The following TNNI3K variants were observed in gnomAD, a reference collection of about 807,000 sequenced individuals.
TNNI3K encodes TNNI3 interacting kinase.
TNNI3K carries 140 observed loss-of-function variants against 114.5 expected under a neutral mutation model. The ratio of observed to expected loss-of-function variants is 1.22; its 90% CI spans 1.07 to 1.41. The LOEUF is 1.41. Among genes scored for constraint, TNNI3K ranks in the 40% most tolerant of loss-of-function variants. The pLI, the probability that TNNI3K is intolerant of heterozygous loss-of-function variation, is 0.00. For synonymous variants in TNNI3K, 347 were observed against 347.5 expected, an observed-to-expected ratio of 1.00 and a Z score of 0.02; for missense variants, 1,125 against 1,007.6, an observed-to-expected ratio of 1.12 and a Z score of -1.58.
intron 11 of TNNI3K, chr1:74,366,661 AG>A (rs1178162121): frequency 2.6e-5 from 4 of 151,966 alleles, no homozygotes; most frequent in African/African-American, 9.7e-5. Flanking sequence ...GCAAGGCCAC[AG>A]TTGGATGCAA....
In TNNI3K at chr1:74,460,580, C is replaced by A. The variant is rs274601; in HGVS notation, c.2012-2861C>A. Among the ~76,000 whole-genome samples the A allele has an allele frequency of 4.7e-3, 715 of 152,248 alleles. 7 individuals are homozygous for A. The highest frequency in any genetic ancestry group is 0.016 in the African/African-American group (678 of 41,548). On this transcript the variant is annotated intron_variant, in intron 20 of 24. Transcript: ENST00000326637. ...CCTCTAACATATTTTTTGTAGCAATCAAGGTAAAAATTTGATTAATGGGCT... is the reference window on the plus strand; with the variant it reads ...CCTCTAACATATTTTTTGTAGCAATAAAGGTAAAAATTTGATTAATGGGCT...
At chr1:74,432,630 G>GC (rs1557562215) in intron 17 of TNNI3K, among the ~76,000 whole-genome samples, 1 of 152,040 alleles carries the variant, frequency 6.6e-6, no homozygotes, top group Non-Finnish European at 1.5e-5. Context: ...GACTTTGCCT[G>GC]CTTTACCTTG....
Position 74,515,676 on chromosome 1 carries a change from A to G in TNNI3K, c.2351+23410A>G, listed in dbSNP as rs72675345. Among the ~76,000 whole-genome samples, 1,468 of 152,288 alleles carry G rather than the reference A, an allele frequency of 9.6e-3. 14 individuals carry two copies. The highest frequency in any genetic ancestry group is 0.02 in the Middle Eastern group (6 of 294). On this transcript the variant is annotated intron_variant, in intron 23 of 24. Transcript: ENST00000326637. ...AAGGGGATCATGGTTTGAGGTGGGC[A>G]GACACAACAGGTGAGGGATGGAGAC... is the stretch of plus-strand genomic sequence containing the variant.
At chr1:74,438,530 G>A (rs1165746086) in intron 19 of TNNI3K, among the ~76,000 whole-genome samples, 3 of 151,940 alleles carry the variant, frequency 2.0e-5, no homozygotes, top group Non-Finnish European at 4.4e-5. Context: ...GAACTGGGAG[G>A]GTGTGGCTCC....
chr1:74,278,229 G>A (rs185978290), intron 5 of TNNI3K, among the ~76,000 whole-genome samples: 2 of 152,242 alleles, frequency 1.3e-5, no homozygotes, highest in African/African-American at 4.8e-5. Flanking sequence ...ATAGGCAATA[G>A]TCCCTTGTGA....
At chr1:74,296,985 T>C (rs1386638793) in intron 5 of TNNI3K, among the ~76,000 whole-genome samples, 1 of 152,186 alleles carries the variant, frequency 6.6e-6, no homozygotes, top group Non-Finnish European at 1.5e-5. Flanking sequence ...AGAAAATCCC[T>C]CAGGCATTTC....
At chr1:74,277,764 A>G (rs767045247) in intron 5 of TNNI3K, among the ~76,000 whole-genome samples, 9 of 152,210 alleles carry the variant, frequency 5.9e-5, no homozygotes, top group Non-Finnish European at 1.2e-4. Context: ...TGTGTAATGT[A>G]TAGAGGTTGT....
intron 6 of TNNI3K, among the ~76,000 whole-genome samples, chr1:74,331,883 TA>T (rs1660222913): frequency 6.6e-6 from 1 of 152,130 alleles, no homozygotes; most frequent in Non-Finnish European, 1.5e-5. Flanking sequence ...TATTCACCTA[TA>T]AAATGGGGAA....
intron 17 of TNNI3K, among the ~76,000 whole-genome samples, chr1:74,386,040 A>T (rs1316707868): frequency 2.0e-5 from 3 of 152,212 alleles, no homozygotes; most frequent in African/African-American, 7.2e-5. Flanking sequence ...ATAGTGAATA[A>T]GTTTCATAAG....
chr1:74,266,122 G>A (rs1655968323), intron 4 of TNNI3K, among the ~76,000 whole-genome samples: 1 of 151,934 alleles, frequency 6.6e-6, no homozygotes, highest in African/African-American at 2.4e-5. Context: ...CCGTGTGGAT[G>A]GCTTGATTCT....
Position 74,478,992 on chromosome 1 carries a change from C to G in TNNI3K, c.2122-10197C>G, listed in dbSNP as rs75853275. The stretch of plus-strand genomic sequence containing the variant: ...GCTGATGGTAGTTCCATTGTCTATA[C>G]CTGATGCTGGTCTCCATCTATTCTG... On this transcript the variant is annotated intron_variant, in intron 21 of 24. Coordinates refer to ENST00000326637, the MANE Select transcript of TNNI3K (RefSeq NM_015978.3). Among the ~76,000 whole-genome samples, 922 of 152,302 alleles carry G rather than the reference C, an allele frequency of 6.1e-3. 12 individuals carry two copies. The highest frequency in any genetic ancestry group is 0.021 in the African/African-American group (857 of 41,570).
At chr1:74,516,986 C>G (rs1004706155) in intron 23 of TNNI3K, among the ~76,000 whole-genome samples, 4 of 152,142 alleles carry the variant, frequency 2.6e-5, no homozygotes, top group Non-Finnish European at 4.4e-5. Context: ...CTCCCATGAG[C>G]ATCATTATGA....
rs192178070 is a variant in TNNI3K, at chr1:74,490,500, C to G, written c.2181+1252C>G. Among the ~76,000 whole-genome samples the G allele has an allele frequency of 1.1e-4, 16 of 152,270 alleles. No homozygotes were observed. In the East Asian group the frequency reaches 3.1e-3, roughly 29 times the overall value. On this transcript the variant is annotated intron_variant, in intron 22 of 24. Transcript: ENST00000326637. ...ATAGGATCTACAAACATGATAGGAT[C>G]TACTAAACTAGCTTGTCTTATTGTA...
intron 6 of TNNI3K, among the ~76,000 whole-genome samples, chr1:74,332,696 A>G (rs1262812701): frequency 1.3e-5 from 2 of 152,122 alleles, no homozygotes; most frequent in African/African-American, 2.4e-5. Flanking sequence ...AAGAGCTGGA[A>G]TATGTACTCA....
At chr1:74,522,085 C>T (rs187037925) in intron 23 of TNNI3K, among the ~76,000 whole-genome samples, 1 of 152,280 alleles carries the variant, frequency 6.6e-6, no homozygotes, top group Admixed American at 6.5e-5. Flanking sequence ...TTCCAATTCT[C>T]TCATGCTGAT....
At chr1:74,463,311 G>A in intron 20 of TNNI3K, 130 bp from the exon 21 acceptor site, 1 of 895,566 alleles carries the variant, frequency 1.1e-6, no homozygotes, top group Non-Finnish European at 1.8e-6. Flanking sequence ...AAAAAGCCTA[G>A]AGGTCTCTTT....
chr1:74,347,350 A>C (rs1279461422), intron 9 of TNNI3K, among the ~76,000 whole-genome samples: 2 of 151,952 alleles, frequency 1.3e-5, no homozygotes, highest in East Asian at 1.9e-4. Context: ...TTATGGCTGC[A>C]TAGTATTCCA....
At chr1:74,338,585 A>G (rs1268961961) in intron 7 of TNNI3K, among the ~76,000 whole-genome samples, 1 of 152,012 alleles carries the variant, frequency 6.6e-6, no homozygotes, top group Non-Finnish European at 1.5e-5. Flanking sequence ...CATTTCCAAA[A>G]GGACATGGTT....
intron 17 of TNNI3K, among the ~76,000 whole-genome samples, chr1:74,399,582 C>T (rs1304235236): frequency 2.7e-5 from 4 of 150,366 alleles, no homozygotes; most frequent in African/African-American, 4.9e-5. Context: ...GGCCGGGGGG[C>T]GGGCGGTGGA....
Sources: gnomAD v4.1 joint callset for allele counts (sites outside exome capture counted in the v4.1 genomes callset) on GRCh38, gnomAD v4.1.1 for gene constraint, MANE v1.5 for transcripts, NCBI Gene and HGNC (gene_info 2026-07-23, HGNC 2026-07-21) for gene names.